Variants in XKR4 observed in about 807,000 individuals in gnomAD.
The protein encoded by XKR4 is XK related 4.
A neutral mutation model predicts 53.9 loss-of-function variants in XKR4; 12 were observed. The ratio of observed to expected loss-of-function variants is 0.22; its 90% CI spans 0.14 to 0.36. The LOEUF is 0.36. Among genes scored for constraint, XKR4 ranks in the 10% least tolerant of loss-of-function variants. XKR4 has a pLI of 1.00. For missense variants in XKR4, 799 were observed against 859.5 expected (o/e 0.93, Z 0.88); for synonymous variants, 354 against 362.4 (o/e 0.98, Z 0.26).
intron 1 of XKR4, among the ~76,000 whole-genome samples, chr8:55,300,770 G>T (rs1171903919): frequency 6.6e-6 from 1 of 152,282 alleles, no homozygotes; most frequent in Middle Eastern, 3.4e-3. Flanking sequence ...AGTCAGGCAG[G>T]ATGATCGCCC....
chr8:55,497,401 G>A (rs893443027), intron 2 of XKR4, among the ~76,000 whole-genome samples: 4 of 152,100 alleles, frequency 2.6e-5, no homozygotes, highest in African/African-American at 4.8e-5. Context: ...TTTTTTTGAC[G>A]TTTATAAAGT....
chr8:55,174,576 G>A (rs1351463627), intron 1 of XKR4, among the ~76,000 whole-genome samples: 1 of 152,158 alleles, frequency 6.6e-6, no homozygotes, highest in African/African-American at 2.4e-5. Flanking sequence ...ACCACCTGGT[G>A]ATGTTAGGTT....
intron 2 of XKR4, among the ~76,000 whole-genome samples, chr8:55,490,380 A>AATGGGTGCTCATGGACATAATACT (rs1176183404): frequency 2.6e-5 from 4 of 152,334 alleles, no homozygotes; most frequent in Non-Finnish European, 5.9e-5. Flanking sequence ...GGAGTTAAAC[A>AATGGGTGCTCATGGACATAATACT]ATGGGTGCTC....
chr8:55,140,526 A>AT (rs1228433890), intron 1 of XKR4, among the ~76,000 whole-genome samples: 2 of 152,228 alleles, frequency 1.3e-5, no homozygotes, highest in Admixed American at 6.5e-5. Context: ...GGCTCTTACC[A>AT]ACACCATGAT....
intron 1 of XKR4, among the ~76,000 whole-genome samples, chr8:55,208,350 TC>T (rs1242053262): frequency 6.6e-6 from 1 of 152,252 alleles, no homozygotes; most frequent in African/African-American, 2.4e-5. Flanking sequence ...TAGTATTTTT[TC>T]CCAATACACC....
At chr8:55,308,026 G>A (rs890499618) in intron 1 of XKR4, among the ~76,000 whole-genome samples, 18 of 152,072 alleles carry the variant, frequency 1.2e-4, no homozygotes, top group African/African-American at 2.9e-4. Flanking sequence ...AGGCTGAGGC[G>A]GGCAGATCAC....
rs1165989446 is a variant in XKR4 at position 55,103,241 on chromosome 8, C to T, written c.753C>T (p.Cys251=). ...GKHRSASCSF[C]IWLLQSLIHI... ...ACAGGTCTGCGTCCTGCTCCTTCTG[C>T]ATCTGGCTCCTGCAGTCACTCATCC... The change falls in exon 1 of 3, where the codon TGC becomes TGT. Residue 251 remains cysteine (C), a synonymous_variant. Transcript: ENST00000327381. 6 of 1,613,656 alleles carry T rather than the reference C, an allele frequency of 3.7e-6. No individual in the cohort carries two copies. Among genetic ancestry groups the T allele is most frequent in the Non-Finnish European group, 5.1e-6 (6 of 1,179,788 alleles).
In XKR4 at chr8:55,323,545, A is replaced by G. The variant is rs564978697; in HGVS notation, c.807-34133A>G. 1.6e-4 allele frequency among the ~76,000 whole-genome samples: 25 copies of G among 152,270 alleles called. No individual in the cohort carries two copies. The East Asian group carries it at 4.6e-3, about 28-fold the overall frequency. Reference sequence around the variant, plus strand: ...AAGTCCTCTGTTCCTTTTTATTGCTAAGTAGTATTCTATTGTGTGGATGTA... The same window carrying G: ...AAGTCCTCTGTTCCTTTTTATTGCTGAGTAGTATTCTATTGTGTGGATGTA... On this transcript the variant is annotated intron_variant, in intron 1 of 2. Transcript: ENST00000327381.
intron 1 of XKR4, among the ~76,000 whole-genome samples, chr8:55,239,255 T>C (rs1221022901): frequency 6.6e-6 from 1 of 152,232 alleles, no homozygotes; most frequent in Non-Finnish European, 1.5e-5. Context: ...TGAATTTGTG[T>C]CACTTTATAC....
intron 2 of XKR4, among the ~76,000 whole-genome samples, chr8:55,464,806 A>G (rs1805731321): frequency 6.6e-6 from 1 of 152,212 alleles, no homozygotes; most frequent in African/African-American, 2.4e-5. Context: ...TACAAAATCA[A>G]TGTACAAAAA....
chr8:55,167,113 G>A (rs1400702563), intron 1 of XKR4, among the ~76,000 whole-genome samples: 4 of 152,218 alleles, frequency 2.6e-5, no homozygotes, highest in Non-Finnish European at 5.9e-5. Context: ...ACTGGATGTG[G>A]GAAGTGGAAG....
At chr8:55,289,327 C>T (rs1396583202) in intron 1 of XKR4, among the ~76,000 whole-genome samples, 1 of 151,446 alleles carries the variant, frequency 6.6e-6, no homozygotes, top group Non-Finnish European at 1.5e-5. Flanking sequence ...GACCAGGCTG[C>T]CCAATGTGGT....
intron 2 of XKR4, among the ~76,000 whole-genome samples, chr8:55,419,668 A>G (rs1240114684): frequency 6.6e-6 from 1 of 152,226 alleles, no homozygotes; most frequent in Non-Finnish European, 1.5e-5. Flanking sequence ...GCTACTTAGC[A>G]AATTAATAAT....
At chr8:55,511,140 G>A (rs966085323) in intron 2 of XKR4, among the ~76,000 whole-genome samples, 2 of 152,126 alleles carry the variant, frequency 1.3e-5, no homozygotes, top group Non-Finnish European at 2.9e-5. Context: ...GGGGTGGGAC[G>A]CTGGAAAATA....
At chr8:55,480,357 C>T (rs1806080827) in intron 2 of XKR4, among the ~76,000 whole-genome samples, 2 of 152,190 alleles carry the variant, frequency 1.3e-5, no homozygotes, top group African/African-American at 4.8e-5. Context: ...AATAACGCTT[C>T]ATGCTAAAAA....
chr8:55,156,199 C>T (rs1471268873), intron 1 of XKR4, among the ~76,000 whole-genome samples: 1 of 151,194 alleles, frequency 6.6e-6, no homozygotes, highest in Non-Finnish European at 1.5e-5. Context: ...AGTATTGTTT[C>T]TGTGTATTTG....
At chr8:55,459,466 T>C (rs184731443) in intron 2 of XKR4, among the ~76,000 whole-genome samples, 1 of 152,208 alleles carries the variant, frequency 6.6e-6, no homozygotes, top group African/African-American at 2.4e-5. Flanking sequence ...GCTTTTCAAA[T>C]GCCAACTTTA....
At position 55,103,422 on chromosome 8, in the gene XKR4, G is replaced by A. The variant is rs551607462; in HGVS notation, c.806+128G>A. ...CTAGTCACACTCTTCCAGTTTTTTG[G>A]GTTTCTTTTGAACTGGGGCTTGCAT... On this transcript the variant is annotated intron_variant, in intron 1 of 2. Transcript: ENST00000327381. 15 of 1,433,668 alleles carry A rather than the reference G, an allele frequency of 1.0e-5. No individual in the cohort carries two copies. The South Asian group carries it at 2.4e-4, about 22-fold the overall frequency. The allele number at this position is 1,433,668 out of a possible 1,614,324, so 88.8% of individuals were successfully genotyped here.
At chr8:55,345,453 G>A (rs2129382763) in intron 1 of XKR4, among the ~76,000 whole-genome samples, 1 of 152,236 alleles carries the variant, frequency 6.6e-6, no homozygotes, top group African/African-American at 2.4e-5. Flanking sequence ...TTCTTTGAGG[G>A]CCAAAATTAA....
Sources: allele counts gnomAD v4.1 joint callset (sites outside exome capture counted in the v4.1 genomes callset), GRCh38; gene constraint gnomAD v4.1.1; transcripts MANE v1.5; gene names NCBI Gene and HGNC (gene_info 2026-07-23, HGNC 2026-07-21).